PRDM10: variants seen among roughly 807,000 people sequenced by gnomAD.
PRDM10 encodes PR/SET domain 10.
Under a neutral mutation model 133.1 loss-of-function variants are expected in PRDM10, and 65 were observed. The ratio of observed to expected loss-of-function variants is 0.49; its 90% CI spans 0.40 to 0.60. PRDM10 has a LOEUF of 0.60. PRDM10 is among the 20% of genes least tolerant of loss of function. The pLI, the probability that PRDM10 is intolerant of heterozygous loss-of-function variation, is 0.00. For missense variants in PRDM10, 1,137 were observed against 1,507.1 expected (o/e 0.75, Z 4.07); for synonymous variants, 582 against 580.4 (o/e 1.00, Z -0.04).
chr11:130,000,028 T>C (rs1372133938), intron 1 of PRDM10, among the ~76,000 whole-genome samples: 1 of 151,848 alleles, frequency 6.6e-6, no homozygotes, highest in Non-Finnish European at 1.5e-5. Flanking sequence ...TTGTTTTTTT[T>C]CACTCGCTTC....
rs7950103 is a variant in PRDM10 at position 129,962,515 on chromosome 11, G to A, written c.-118-1433C>T. On this transcript the variant is annotated intron_variant, in intron 1 of 20. Transcript: ENST00000360871. ...CGCCCTACTCTTCCAATCCCCATTT[G>A]GGGGGGACTTGAAAGAATGCCACGT... Among the ~76,000 whole-genome samples the A allele has an allele frequency of 9.6e-3, 1,463 of 152,234 alleles. 19 individuals carry two copies. Among genetic ancestry groups the A allele is most frequent in the African/African-American group, 0.029 (1,217 of 41,534 alleles).
chr11:129,903,403 A>G (rs1949906913), intron 20 of PRDM10, among the ~76,000 whole-genome samples: 1 of 151,774 alleles, frequency 6.6e-6, no homozygotes, highest in South Asian at 2.1e-4. Context: ...CATCAAATAG[A>G]CATTTTAACA....
intron 1 of PRDM10, among the ~76,000 whole-genome samples, chr11:129,972,544 C>G (rs935383191): frequency 1.3e-5 from 2 of 152,180 alleles, no homozygotes; most frequent in Non-Finnish European, 2.9e-5. Flanking sequence ...GAGAACAGAT[C>G]ATCTAGAACA....
At chr11:129,936,188 G>A (rs910764397) in intron 8 of PRDM10, among the ~76,000 whole-genome samples, 1 of 152,144 alleles carries the variant, frequency 6.6e-6, no homozygotes, top group Admixed American at 6.5e-5. Flanking sequence ...CAATGTACCA[G>A]GAGGGTGGTA....
At chr11:129,908,721 G>C (rs1056284671) in intron 19 of PRDM10, among the ~76,000 whole-genome samples, 12 of 152,030 alleles carry the variant, frequency 7.9e-5, no homozygotes, top group African/African-American at 2.7e-4. Flanking sequence ...CTACAGGTTA[G>C]AATGCTAGTT....
intron 20 of PRDM10, among the ~76,000 whole-genome samples, chr11:129,903,998 A>C (rs1565443409): frequency 1.3e-5 from 2 of 152,164 alleles, no homozygotes; most frequent in Admixed American, 6.5e-5. Flanking sequence ...CCTACAGGGA[A>C]CAAAAAATGT....
chr11:129,899,889 T>G lies in PRDM10; in HGVS notation c.*2424A>C, dbSNP rs931479832. ...GGGTCAGCTTTAGCATCTCATGAAGTGCTTTTTAGACCTAGATATCTTAAG... is the reference window on the plus strand; with the variant it reads ...GGGTCAGCTTTAGCATCTCATGAAGGGCTTTTTAGACCTAGATATCTTAAG... On this transcript the variant is annotated 3_prime_UTR_variant, in exon 21 of 21. Transcript: ENST00000360871. 13 of 152,670 alleles carry G rather than the reference T, an allele frequency of 8.5e-5. No individual in the cohort carries two copies. Among genetic ancestry groups the G allele is most frequent in the Non-Finnish European group, 1.6e-4 (11 of 68,048 alleles). The allele number at this position is 152,670 out of a possible 1,614,324, so 9.5% of individuals were successfully genotyped here.
intron 13 of PRDM10, among the ~76,000 whole-genome samples, chr11:129,921,600 T>C (rs926708691): frequency 1.3e-5 from 2 of 152,232 alleles, no homozygotes; most frequent in African/African-American, 4.8e-5. Flanking sequence ...AAAATTACTC[T>C]GATTCTACTT....
chr11:129,958,287 C>T (rs1951734221), intron 2 of PRDM10, among the ~76,000 whole-genome samples: 1 of 152,162 alleles, frequency 6.6e-6, no homozygotes, highest in Non-Finnish European at 1.5e-5. Context: ...CAATTGCTGT[C>T]AACACATCAT....
At chr11:129,993,311 A>G (rs79940592) in intron 1 of PRDM10, among the ~76,000 whole-genome samples, 296 of 152,272 alleles carry the variant, frequency 1.9e-3, no homozygotes, top group African/African-American at 6.8e-3. Context: ...ATGTTTCTCT[A>G]TACTAAGGTC....
Position 129,947,595 on chromosome 11 carries a change from C to T in PRDM10, c.295-225G>A. ...CCTTTAAGCCTCTGCCCTCCCTCTG[C>T]CCCTTCTGTCCCACACCTGGGAGGG... On this transcript the variant is annotated intron_variant, in intron 4 of 20. Coordinates refer to ENST00000360871, the MANE Select transcript of PRDM10 (RefSeq NM_199437.2). This position sits in a 1 kb window ranked among gnomAD's most constrained non-coding sequence, Gnocchi z 4.6. 1 of 1,390,340 alleles carries T rather than the reference C, an allele frequency of 7.2e-7. No homozygotes were observed. 86.1% of individuals were successfully genotyped at this position (1,390,340 alleles called of 1,614,324 possible).
At chr11:129,970,890 A>G (rs1360659646) in intron 1 of PRDM10, among the ~76,000 whole-genome samples, 1 of 152,128 alleles carries the variant, frequency 6.6e-6, no homozygotes, top group Admixed American at 6.6e-5. Flanking sequence ...TAGGTAGTCC[A>G]AAGTTTTCCA....
chr11:129,914,248 C>T (rs1176374930), intron 17 of PRDM10, among the ~76,000 whole-genome samples: 8 of 152,194 alleles, frequency 5.3e-5, no homozygotes, highest in Non-Finnish European at 1.0e-4. Context: ...GTGATCTGCC[C>T]GCCTCAGCCT....
At chr11:129,965,211 A>G (rs1951880326) in intron 1 of PRDM10, among the ~76,000 whole-genome samples, 1 of 152,148 alleles carries the variant, frequency 6.6e-6, no homozygotes, top group African/African-American at 2.4e-5. Flanking sequence ...ACTGCACTCC[A>G]GCCTGGGCGA....
chr11:129,909,846 G>A (rs1950130954), intron 19 of PRDM10, among the ~76,000 whole-genome samples: 1 of 152,194 alleles, frequency 6.6e-6, no homozygotes, highest in Admixed American at 6.5e-5. Flanking sequence ...TTTACTAGAT[G>A]ATGGTCAGCT....
intron 15 of PRDM10, 70 bp from the exon 16 acceptor site, chr11:129,915,930 A>C (rs542867805): frequency 1.6e-6 from 2 of 1,225,394 alleles, no homozygotes; most frequent in African/African-American, 1.5e-5. Context: ...CAAACTAACA[A>C]TTTCATTATA....
intron 4 of PRDM10, among the ~76,000 whole-genome samples, chr11:129,952,057 G>A (rs1309936166): frequency 6.6e-6 from 1 of 152,172 alleles, no homozygotes; most frequent in African/African-American, 2.4e-5. Flanking sequence ...AAACTGTGCT[G>A]GTGGAAAGGA....
At chr11:129,941,035 A>G (rs554860584) in intron 7 of PRDM10, among the ~76,000 whole-genome samples, 1 of 152,194 alleles carries the variant, frequency 6.6e-6, no homozygotes, top group Non-Finnish European at 1.5e-5. Context: ...TGAGATAGGA[A>G]TCTCCTTTTA....
Position 129,923,502 on chromosome 11 carries a change from A to C in PRDM10, c.1879-99T>G. Reference sequence around the variant, plus strand: ...GCTAGAGGGAGCCAAACGCATTACCATGGGTTTTCATCAACCCCGCCGAGG... The same window carrying C: ...GCTAGAGGGAGCCAAACGCATTACCCTGGGTTTTCATCAACCCCGCCGAGG... On this transcript the variant is annotated intron_variant, in intron 12 of 20. Coordinates refer to ENST00000360871, the MANE Select transcript of PRDM10 (RefSeq NM_199437.2). The surrounding 1 kb of genome is among the most constrained non-coding windows in gnomAD (Gnocchi z 4.4). 1 of 1,309,514 alleles carries C rather than the reference A, an allele frequency of 7.6e-7. No homozygotes were observed. Among genetic ancestry groups the C allele is most frequent in the Admixed American group, 2.9e-5 (1 of 34,600 alleles). 81.1% of individuals were successfully genotyped at this position (1,309,514 alleles called of 1,614,324 possible).
Sources: gnomAD v4.1 joint callset for allele counts (sites outside exome capture counted in the v4.1 genomes callset) on GRCh38, gnomAD v4.1.1 for gene constraint, Gnocchi (gnomAD v3.1) non-coding constraint, MANE v1.5 for transcripts, NCBI Gene and HGNC (gene_info 2026-07-23, HGNC 2026-07-21) for gene names.